UNC79: variants seen among roughly 807,000 people sequenced by gnomAD.
UNC79 encodes the protein protein unc-79 homolog.
Under a neutral mutation model 283.1 loss-of-function variants are expected in UNC79, and 37 were observed. The observed-to-expected ratio is 0.13, with a 90% CI of 0.10 to 0.17. The LOEUF is 0.17. Among genes scored for constraint, UNC79 ranks in the 10% least tolerant of loss-of-function variants. UNC79 has a pLI of 1.00. For missense variants in UNC79, 2,272 were observed against 3,211.1 expected (o/e 0.71, Z 7.07); for synonymous variants, 1,107 against 1,200.2 (o/e 0.92, Z 1.61).
At chr14:93,341,365 G>A (rs1325989281) in intron 1 of UNC79, among the ~76,000 whole-genome samples, 1 of 152,072 alleles carries the variant, frequency 6.6e-6, no homozygotes, top group African/African-American at 2.4e-5. Flanking sequence ...GCTGAGACAG[G>A]AGAATCGCTT....
In UNC79 at chr14:93,575,399, T is replaced by G. The variant is rs141498095; in HGVS notation, c.2211+201T>G. On this transcript the variant is annotated intron_variant, in intron 17 of 48. Transcript: ENST00000555664. ...TCAGTAAGTTATTGAGTTTTCATTT[T>G]ATTTTTAATTTCTTTGAATTTTAGC... Among the ~76,000 whole-genome samples the G allele has an allele frequency of 9.8e-4, 149 of 152,252 alleles. 2 individuals carry two copies. The highest frequency in any genetic ancestry group is 3.5e-3 in the African/African-American group (144 of 41,488).
intron 7 of UNC79, among the ~76,000 whole-genome samples, chr14:93,514,001 A>G (rs1233502590): frequency 6.6e-6 from 1 of 152,230 alleles, no homozygotes; most frequent in South Asian, 2.1e-4. Context: ...AGGAACATGT[A>G]AAATCAATGC....
chr14:93,575,170 A>T, exon 17 of UNC79: 1 of 1,614,028 alleles, frequency 6.2e-7, no homozygotes, highest in Non-Finnish European at 8.5e-7. Flanking sequence ...AGAGTCAGTG[A>T]ACTGGCAGGG....
rs868104714 is a variant in UNC79, at chr14:93,413,488, C to A, written c.-350-54183C>A. ...TGTGAATAGTGCTGCAATAAACATA[C>A]GTGTGCATGTGTCTTTATAGCAGCA... On this transcript the variant is annotated intron_variant, in intron 1 of 49. Coordinates refer to the UNC79 transcript ENST00000256339. 1.8e-3 allele frequency among the ~76,000 whole-genome samples: 259 copies of A among 144,362 alleles called. 1 individual carries two copies. In the Middle Eastern group the frequency reaches 0.031, roughly 17 times the overall value. 94.7% of individuals were successfully genotyped at this position (144,362 alleles called of 152,430 possible).
At chr14:93,624,247 C>T (rs930202536) in intron 30 of UNC79, among the ~76,000 whole-genome samples, 12 of 152,108 alleles carry the variant, frequency 7.9e-5, no homozygotes, top group African/African-American at 2.9e-4. Flanking sequence ...CTCAAAAACG[C>T]GCTGTAAAAA....
chr14:93,434,345 C>A (rs796160695), intron 1 of UNC79, among the ~76,000 whole-genome samples: 19 of 152,264 alleles, frequency 1.2e-4, no homozygotes, highest in African/African-American at 4.6e-4. Flanking sequence ...CTTCCTAGCA[C>A]TTTCTCAGGT....
At chr14:93,613,180 G>T in intron 27 of UNC79, 97 bp downstream of exon 28, 22 of 1,504,014 alleles carry the variant, frequency 1.5e-5, no homozygotes, top group Non-Finnish European at 1.9e-5. Flanking sequence ...CAGCATAAAG[G>T]TTTGTACAAA....
rs2059865849 is a variant in UNC79, at chr14:93,512,358, T to C, written c.899-11620T>C. On this transcript the variant is annotated intron_variant, in intron 7 of 48. Coordinates refer to ENST00000555664, the Ensembl canonical transcript of UNC79. Reference sequence around the variant, plus strand: ...TTTAGTACTTTCATTATGTTCTGCTTGAGTGTGGTGGTTTTTGTACTTATT... The same window carrying C: ...TTTAGTACTTTCATTATGTTCTGCTCGAGTGTGGTGGTTTTTGTACTTATT... Among the ~76,000 whole-genome samples, 3 of 151,964 alleles carry C rather than the reference T, an allele frequency of 2.0e-5. No homozygotes were observed. In the South Asian group the frequency reaches 6.2e-4, roughly 32 times the overall value.
intron 18 of UNC79, among the ~76,000 whole-genome samples, chr14:93,579,604 A>G (rs2063669516): frequency 6.6e-6 from 1 of 152,104 alleles, no homozygotes. Flanking sequence ...ATTGTTCCGC[A>G]TTTGGCCAGT....
chr14:93,506,040 T>C (rs1482550002), intron 7 of UNC79, among the ~76,000 whole-genome samples: 2 of 151,978 alleles, frequency 1.3e-5, no homozygotes. Flanking sequence ...ATATTTTCCT[T>C]TTTCTTGCTA....
chr14:93,655,644 GAAAAAAAA>G (rs59172906), intron 38 of UNC79, among the ~76,000 whole-genome samples: 2,713 of 81,756 alleles, frequency 0.033, 78 homozygotes, highest in African/African-American at 0.11. Context: ...CAGTTGATTT[GAAAAAAAA>G]AAAAAAAAAC....
chr14:93,549,584 T>A (rs137869211), intron 14 of UNC79, among the ~76,000 whole-genome samples: 148 of 152,312 alleles, frequency 9.7e-4, no homozygotes, highest in African/African-American at 3.3e-3. Flanking sequence ...TTAGACAAAT[T>A]ATATTTAACA....
At chr14:93,347,417 T>G in intron 1 of UNC79, 1 of 1,455,186 alleles carries the variant, frequency 6.9e-7, no homozygotes. Context: ...CCAGCCATCA[T>G]GGTGGGCGGG....
At chr14:93,544,485 C>T (rs368432052) in intron 14 of UNC79, among the ~76,000 whole-genome samples, 1 of 152,148 alleles carries the variant, frequency 6.6e-6, no homozygotes, top group Non-Finnish European at 1.5e-5. Context: ...AGTCACATAA[C>T]GGAAGTTCGG....
At chr14:93,574,733 G>A (rs1246174942) in intron 16 of UNC79, among the ~76,000 whole-genome samples, 1 of 152,086 alleles carries the variant, frequency 6.6e-6, no homozygotes, top group Non-Finnish European at 1.5e-5. Flanking sequence ...TGGAGAAGCA[G>A]TGCTAGTCCA....
At chr14:93,568,800 A>C (rs1405884469) in intron 14 of UNC79, among the ~76,000 whole-genome samples, 2 of 152,148 alleles carry the variant, frequency 1.3e-5, no homozygotes, top group East Asian at 1.9e-4. Context: ...AGATGGAACA[A>C]GTTTTTACCT....
chr14:93,527,246 G>A (rs2060587604), intron 8 of UNC79, among the ~76,000 whole-genome samples: 1 of 152,188 alleles, frequency 6.6e-6, no homozygotes, highest in Admixed American at 6.5e-5. Context: ...CTGGCCTGCT[G>A]CCAGTTTTTG....
At chr14:93,691,751 C>T in exon 46 of UNC79, 1 of 1,613,964 alleles carries the variant, frequency 6.2e-7, no homozygotes, top group Non-Finnish European at 8.5e-7. Context: ...CTTTTCAGAC[C>T]TCCGTGCTGC....
At chr14:93,507,256 A>G (rs1370934871) in intron 7 of UNC79, among the ~76,000 whole-genome samples, 1 of 152,164 alleles carries the variant, frequency 6.6e-6, no homozygotes, top group Non-Finnish European at 1.5e-5. Context: ...TCTTGGGTAT[A>G]TACCTAGGAC....
Sources: gnomAD v4.1 joint callset for allele counts (sites outside exome capture counted in the v4.1 genomes callset) on GRCh38, gnomAD v4.1.1 for gene constraint, MANE v1.5 for transcripts, NCBI Gene and HGNC (gene_info 2026-07-23, HGNC 2026-07-21) for gene names.